MGAT4C: variants seen among roughly 807,000 people sequenced by gnomAD.
MGAT4C encodes the protein MGAT4 family member C.
A neutral mutation model predicts 40.1 loss-of-function variants in MGAT4C; 19 were observed. The ratio of observed to expected loss-of-function variants is 0.47; its 90% CI spans 0.33 to 0.70. The LOEUF is 0.70. MGAT4C is among the 30% of genes least tolerant of loss of function. MGAT4C has a pLI of 0.02. For synonymous variants in MGAT4C, 181 were observed against 187.1 expected, an observed-to-expected ratio of 0.97 and a Z score of 0.27; for missense variants, 491 against 563.2, an observed-to-expected ratio of 0.87 and a Z score of 1.30.
At chr12:86,821,972 A>C (rs1952713864) in intron 1 of MGAT4C, among the ~76,000 whole-genome samples, 1 of 148,178 alleles carries the variant, frequency 6.7e-6, no homozygotes, top group Non-Finnish European at 1.5e-5. Flanking sequence ...GTTAAAGACA[A>C]AAGTATTAAA....
chr12:86,222,342 A>G (rs1950913294), intron 1 of MGAT4C, among the ~76,000 whole-genome samples: 1 of 152,232 alleles, frequency 6.6e-6, no homozygotes, highest in African/African-American at 2.4e-5. Context: ...TAGTTAACTG[A>G]AAATCAAATT....
chr12:86,470,220 C>T (rs1957738888), intron 2 of MGAT4C, among the ~76,000 whole-genome samples: 1 of 152,126 alleles, frequency 6.6e-6, no homozygotes, highest in Admixed American at 6.6e-5. Context: ...CTCTAATTTA[C>T]AGTCTTGCTT....
chr12:86,310,136 G>T (rs1307551449), intron 4 of MGAT4C, among the ~76,000 whole-genome samples: 2 of 151,670 alleles, frequency 1.3e-5, no homozygotes, highest in African/African-American at 2.4e-5. Flanking sequence ...AAAGTGTTAA[G>T]CTAGGGTCTC....
intron 2 of MGAT4C, among the ~76,000 whole-genome samples, chr12:86,472,872 AG>A (rs1792047812): frequency 6.6e-6 from 1 of 152,202 alleles, no homozygotes; most frequent in South Asian, 2.1e-4. Context: ...GATCTTTCAC[AG>A]GAAGAATGTC....
At chr12:86,467,280 AT>A (rs774553502) in intron 2 of MGAT4C, among the ~76,000 whole-genome samples, 1 of 152,140 alleles carries the variant, frequency 6.6e-6, no homozygotes, top group African/African-American at 2.4e-5. Flanking sequence ...TCAGAAAAGC[AT>A]TCTGGACCCA....
Position 86,194,339 on chromosome 12 carries a change from T to C in MGAT4C, c.-57+61900A>G, listed in dbSNP as rs1566123639. ...TTAAATCTGCTAGTTTTTGAGAAAA[T>C]GTTGAATACAGTGTATGAAAAGTTA... On this transcript the variant is annotated intron_variant, in intron 1 of 4. Transcript: ENST00000611864. Among the ~76,000 whole-genome samples, 5 of 152,296 alleles carry C rather than the reference T, an allele frequency of 3.3e-5. No individual in the cohort carries two copies. In the South Asian group the frequency reaches 1.0e-3, roughly 32 times the overall value.
At position 85,964,326 on chromosome 12, in the gene MGAT4C, A is replaced by G. The variant is rs1883252042; in HGVS notation, c.*14963T>C. ...TTTTGCAAAAATGTAAGACAAATGT[A>G]TAGGATATTTTTCTCTGTTGTTATG... On this transcript the variant is annotated 3_prime_UTR_variant, in exon 5 of 5. Coordinates refer to ENST00000611864, the MANE Select transcript of MGAT4C (RefSeq NM_001351288.2). The G allele has an allele frequency of 6.6e-6, 1 of 152,096 alleles. No individual in the cohort carries two copies. Among genetic ancestry groups the G allele is most frequent in the Non-Finnish European group, 1.5e-5 (1 of 67,966 alleles). 9.4% of individuals were successfully genotyped at this position (152,096 alleles called of 1,614,324 possible).
In MGAT4C at chr12:86,653,736, G is replaced by A. The variant is rs117304049; in HGVS notation, c.-229+73473C>T. 5.9e-5 allele frequency among the ~76,000 whole-genome samples: 9 copies of A among 151,674 alleles called. No individual in the cohort carries two copies. In the East Asian group the frequency reaches 1.8e-3, roughly 30 times the overall value. The stretch of plus-strand genomic sequence containing the variant: ...ACTTTGTCAATTATCAATGGAATGA[G>A]TTTTCACTCATTTAAAGATTCTATT... On this transcript the variant is annotated intron_variant, in intron 2 of 7. Coordinates refer to the MGAT4C transcript ENST00000548651.
chr12:86,315,331 A>G (rs1301961256), intron 4 of MGAT4C, among the ~76,000 whole-genome samples: 2 of 152,174 alleles, frequency 1.3e-5, no homozygotes, highest in Non-Finnish European at 1.5e-5. Context: ...ATGAAACTGG[A>G]CACATACCTC....
At chr12:86,616,118 C>A (rs576106848) in intron 2 of MGAT4C, among the ~76,000 whole-genome samples, 1 of 152,162 alleles carries the variant, frequency 6.6e-6, no homozygotes, top group South Asian at 2.1e-4. Flanking sequence ...TGTTCTGCAA[C>A]CAGTATTCAT....
intron 2 of MGAT4C, among the ~76,000 whole-genome samples, chr12:86,702,533 A>C (rs1216713607): frequency 1.3e-5 from 2 of 152,172 alleles, no homozygotes; most frequent in Non-Finnish European, 2.9e-5. Context: ...CCATTCTGGA[A>C]ATCCTATAGC....
At chr12:86,015,298 C>A (rs1399893542) in intron 2 of MGAT4C, among the ~76,000 whole-genome samples, 6 of 151,422 alleles carry the variant, frequency 4.0e-5, no homozygotes, top group Non-Finnish European at 7.4e-5. Context: ...GGAACTGGGG[C>A]CCAGTGTGCT....
intron 1 of MGAT4C, among the ~76,000 whole-genome samples, chr12:86,766,012 T>A (rs1951500862): frequency 1.3e-5 from 2 of 152,040 alleles, no homozygotes; most frequent in South Asian, 2.1e-4. Context: ...AATTCACACA[T>A]AACAATATTA....
chr12:86,625,253 G>A (rs563571360), intron 2 of MGAT4C, among the ~76,000 whole-genome samples: 148 of 152,102 alleles, frequency 9.7e-4, no homozygotes, highest in African/African-American at 2.9e-3. Context: ...ATCCCTAGCC[G>A]TGCAGAACTG....
intron 4 of MGAT4C, among the ~76,000 whole-genome samples, chr12:86,281,319 T>C (rs1953213183): frequency 6.6e-6 from 1 of 151,934 alleles, no homozygotes. Flanking sequence ...TTCTCTATTT[T>C]CCCCTTCCTA....
chr12:86,677,745 G>T (rs1349824561), intron 2 of MGAT4C, among the ~76,000 whole-genome samples: 2 of 152,174 alleles, frequency 1.3e-5, no homozygotes, highest in East Asian at 1.9e-4. Context: ...AGACTAAATA[G>T]CTGAGGGAAA....
intron 2 of MGAT4C, among the ~76,000 whole-genome samples, chr12:86,449,847 GT>G (rs1957395480): frequency 6.6e-6 from 1 of 152,076 alleles, no homozygotes; most frequent in Non-Finnish European, 1.5e-5. Context: ...TGATGGAAAT[GT>G]GAGATATTTT....
Position 86,383,549 on chromosome 12 carries a change from CAAAAAAAAAA to C in MGAT4C, c.-119-49432_-119-49423del, listed in dbSNP as rs1159593477. Among the ~76,000 whole-genome samples the C allele has an allele frequency of 7.8e-4, 39 of 49,854 alleles. 2 individuals are homozygous for C. In the South Asian group the frequency reaches 0.045, roughly 57 times the overall value. 32.7% of individuals were successfully genotyped at this position (49,854 alleles called of 152,430 possible). Reference sequence around the variant, plus strand: ...CTGGTGACAGAGCGACACTTCGTCTCAAAAAAAAAAAAAAAAAAAAAAAAAAACAGAAAGA... The same window carrying C: ...CTGGTGACAGAGCGACACTTCGTCTCAAAAAAAAAAAAAAAAACAGAAAGA... On this transcript the variant is annotated intron_variant, in intron 3 of 7. Coordinates refer to the MGAT4C transcript ENST00000548651.
intron 2 of MGAT4C, among the ~76,000 whole-genome samples, chr12:86,692,949 G>A (rs1224232506): frequency 3.9e-5 from 6 of 152,154 alleles, no homozygotes; most frequent in Admixed American, 1.3e-4. Context: ...CCCAACAACC[G>A]TTTTGAATGA....
Sources: gnomAD v4.1 joint callset for allele counts (sites outside exome capture counted in the v4.1 genomes callset) on GRCh38, gnomAD v4.1.1 for gene constraint, MANE v1.5 for transcripts, NCBI Gene and HGNC (gene_info 2026-07-23, HGNC 2026-07-21) for gene names.